Variants in BICC1 observed in about 807,000 individuals in gnomAD.
BICC1 encodes the protein BicC family RNA binding protein 1.
A neutral mutation model predicts 111.0 loss-of-function variants in BICC1; 43 were observed. The ratio of observed to expected loss-of-function variants is 0.39; its 90% confidence interval spans 0.30 to 0.50. The LOEUF (loss-of-function observed/expected upper bound fraction) is 0.50. Among genes scored for constraint, BICC1 ranks in the 20% least tolerant of loss-of-function variants. The pLI, the probability that BICC1 is intolerant of heterozygous loss-of-function variation, is 0.88. For synonymous variants in BICC1, 467 were observed against 434.4 expected (o/e 1.07, Z -0.93); for missense variants, 1,091 against 1,203.2 (o/e 0.91, Z 1.38).
At chr10:58,602,521 A>G (rs1013023221) in intron 1 of BICC1, among the ~76,000 whole-genome samples, 24 of 152,168 alleles carry the variant, frequency 1.6e-4, no homozygotes, top group African/African-American at 5.5e-4. Context: ...ATAAATTATA[A>G]TCAGATGTTA....
intron 1 of BICC1, among the ~76,000 whole-genome samples, chr10:58,568,979 T>C (rs1843858519): frequency 6.6e-6 from 1 of 152,234 alleles, no homozygotes; most frequent in Admixed American, 6.5e-5. Context: ...AGGAAAGATT[T>C]TTGTAAAAAG....
chr10:58,806,015 T>C (rs1017466468), intron 15 of BICC1, among the ~76,000 whole-genome samples: 1 of 152,254 alleles, frequency 6.6e-6, no homozygotes, highest in Non-Finnish European at 1.5e-5. Flanking sequence ...TTTATGGCAT[T>C]GCTTAATGTC....
At chr10:58,676,646 G>A (rs1463987982) in intron 2 of BICC1, among the ~76,000 whole-genome samples, 1 of 152,206 alleles carries the variant, frequency 6.6e-6, no homozygotes, top group Non-Finnish European at 1.5e-5. Context: ...GTTCCTGCCT[G>A]CTGGCTCTGA....
chr10:58,536,405 A>T (rs1189091257), intron 1 of BICC1, among the ~76,000 whole-genome samples: 1 of 151,674 alleles, frequency 6.6e-6, no homozygotes, highest in African/African-American at 2.4e-5. Context: ...AATAAAATCA[A>T]TTCCAAGAGT....
At chr10:58,719,334 A>G (rs182417220) in intron 3 of BICC1, among the ~76,000 whole-genome samples, 90 of 152,280 alleles carry the variant, frequency 5.9e-4, no homozygotes, top group Non-Finnish European at 9.7e-4. Flanking sequence ...TGTGTCTGCT[A>G]TGGAAGGGCA....
chr10:58,695,817 T>G (rs1840050663), intron 2 of BICC1, among the ~76,000 whole-genome samples: 1 of 152,198 alleles, frequency 6.6e-6, no homozygotes, highest in Admixed American at 6.5e-5. Context: ...ATCTGGAATT[T>G]GTTGGAGATG....
At chr10:58,682,877 A>C (rs187470701) in intron 2 of BICC1, among the ~76,000 whole-genome samples, 1,697 of 152,088 alleles carry the variant, frequency 0.011, 34 homozygotes, top group African/African-American at 0.038. Flanking sequence ...TGCAGAAGAT[A>C]TTTAGTTTAA....
rs545201545 is a variant in BICC1, at chr10:58,799,160, C to A, written c.1633C>A (p.Pro545Thr). 6.2e-7 allele frequency: 1 copy of A among 1,613,850 alleles called. No individual in the cohort carries two copies. Among genetic ancestry groups the A allele is most frequent in the Admixed American group, 1.7e-5 (1 of 59,996 alleles). The change falls in exon 12 of 21, where the codon CCC becomes ACC. Residue 545 changes from proline (P) to threonine (T), a missense_variant. This residue lies in a region of BICC1 where 843 missense variants were observed against 900.8 expected (regional missense o/e 0.94). Coordinates refer to ENST00000373886, the MANE Select transcript of BICC1 (RefSeq NM_001080512.3). ...VPTYGHTAPS[P>T]PPGLTPVDVH... ...CACCTATGGGCACACAGCTCCATCTCCCCCTCCTGGCTTGACTCCTGTTGA... is the reference window on the plus strand; with the variant it reads ...CACCTATGGGCACACAGCTCCATCTACCCCTCCTGGCTTGACTCCTGTTGA...
At chr10:58,603,769 A>C (rs942378527) in intron 1 of BICC1, among the ~76,000 whole-genome samples, 2 of 152,188 alleles carry the variant, frequency 1.3e-5, no homozygotes, top group African/African-American at 4.8e-5. Context: ...CCAATCTTCC[A>C]TAATAGTTAT....
chr10:58,519,768 C>T (rs529981833), intron 1 of BICC1, among the ~76,000 whole-genome samples: 17 of 152,148 alleles, frequency 1.1e-4, no homozygotes, highest in Middle Eastern at 3.2e-3. Context: ...CTTGTTACTC[C>T]TTTTATGAAC....
chr10:58,521,507 C>T (rs1658492), intron 1 of BICC1, among the ~76,000 whole-genome samples: 82,010 of 151,814 alleles, frequency 0.54, 23,204 homozygotes, highest in African/African-American at 0.71. Flanking sequence ...GGTTCCTGAT[C>T]AATTTTGCAA....
intron 3 of BICC1, among the ~76,000 whole-genome samples, chr10:58,735,586 C>A (rs1841441906): frequency 6.6e-6 from 1 of 152,056 alleles, no homozygotes; most frequent in Non-Finnish European, 1.5e-5. Context: ...AGCCACCTTG[C>A]CAGGCAGAAG....
chr10:58,680,037 C>G (rs183654520), intron 2 of BICC1, among the ~76,000 whole-genome samples: 1 of 152,286 alleles, frequency 6.6e-6, no homozygotes, highest in East Asian at 1.9e-4. Flanking sequence ...TGGAACGTAT[C>G]TCAAAATAAT....
intron 1 of BICC1, among the ~76,000 whole-genome samples, chr10:58,598,060 T>C (rs1297719156): frequency 6.6e-6 from 1 of 152,132 alleles, no homozygotes; most frequent in Non-Finnish European, 1.5e-5. Context: ...AAAGTCTTAT[T>C]TGGGAACTGA....
intron 2 of BICC1, among the ~76,000 whole-genome samples, chr10:58,655,785 G>GT (rs2132268738): frequency 7.2e-6 from 1 of 138,010 alleles, no homozygotes; most frequent in Admixed American, 7.6e-5. Flanking sequence ...AATGCTTCCA[G>GT]TTTTTGCCCA....
At chr10:58,723,839 AGCTGGGC>A in intron 3 of BICC1, among the ~76,000 whole-genome samples, 1 of 152,358 alleles carries the variant, frequency 6.6e-6, no homozygotes, top group Non-Finnish European at 1.5e-5. Context: ...TGCAATTTAC[AGCTGGGC>A]TTATGGGTTG....
chr10:58,565,684 G>A (rs1330731312), intron 1 of BICC1, among the ~76,000 whole-genome samples: 1 of 152,160 alleles, frequency 6.6e-6, no homozygotes, highest in Non-Finnish European at 1.5e-5. Context: ...TGTTCTCAAA[G>A]TCCCTGAGAA....
At chr10:58,814,314 C>G in intron 18 of BICC1, 1 of 591,180 alleles carries the variant, frequency 1.7e-6, no homozygotes, top group Non-Finnish European at 3.0e-6. Flanking sequence ...TATGAAGTGT[C>G]CATGTGTCAA....
intron 3 of BICC1, among the ~76,000 whole-genome samples, chr10:58,759,406 G>A (rs1842240529): frequency 6.6e-6 from 1 of 152,080 alleles, no homozygotes; most frequent in African/African-American, 2.4e-5. Flanking sequence ...TAAATATCTA[G>A]GAAGCAGGCA....
Sources: allele counts gnomAD v4.1 joint callset (sites outside exome capture counted in the v4.1 genomes callset), GRCh38; gene constraint gnomAD v4.1.1; regional missense constraint gnomAD v4.1.1; transcripts MANE v1.5; gene names NCBI Gene and HGNC (gene_info 2026-07-23, HGNC 2026-07-21).